DLG2: variants seen among roughly 807,000 people sequenced by gnomAD.
The protein encoded by DLG2 is discs large MAGUK scaffold protein 2, also known as disks large homolog 2.
DLG2 carries 45 observed loss-of-function variants against 132.5 expected under a neutral mutation model. That is an observed-to-expected ratio of 0.34 (90% CI 0.27 to 0.44). The LOEUF (loss-of-function observed/expected upper bound fraction) is 0.44, where lower values mean the gene tolerates loss of function less well. DLG2 is among the 20% of genes least tolerant of loss of function. The probability of loss-of-function intolerance (pLI) is 1.00; values close to 1 mark genes in which losing one functional copy is unlikely to be tolerated. For synonymous variants in DLG2, 424 were observed against 419.6 expected (o/e 1.01, Z -0.13); for missense variants, 1,045 against 1,196.9 (o/e 0.87, Z 1.87).
At chr11:85,430,235 G>A (rs1267941737) in intron 3 of DLG2, among the ~76,000 whole-genome samples, 1 of 151,180 alleles carries the variant, frequency 6.6e-6, no homozygotes, top group Non-Finnish European at 1.5e-5. Flanking sequence ...ATAGCATTAG[G>A]AGATATACCT....
At chr11:85,370,749 A>T (rs1205122817) in intron 3 of DLG2, among the ~76,000 whole-genome samples, 2 of 152,184 alleles carry the variant, frequency 1.3e-5, no homozygotes, top group Non-Finnish European at 2.9e-5. Flanking sequence ...TGAGTACTTC[A>T]GAGGGCCCCT....
At chr11:84,282,829 C>G (rs186990955) in intron 7 of DLG2, among the ~76,000 whole-genome samples, 68 of 152,232 alleles carry the variant, frequency 4.5e-4, no homozygotes, top group Admixed American at 7.8e-4. Context: ...CTTTGACATG[C>G]TTCAATGACT....
At chr11:83,712,683 C>G (rs2085730445) in intron 18 of DLG2, among the ~76,000 whole-genome samples, 1 of 152,046 alleles carries the variant, frequency 6.6e-6, no homozygotes, top group Admixed American at 6.6e-5. Flanking sequence ...GAGTTGGATG[C>G]CATTATCCTT....
chr11:84,284,317 G>C (rs1013949111), intron 7 of DLG2, among the ~76,000 whole-genome samples: 6 of 152,208 alleles, frequency 3.9e-5, no homozygotes, highest in African/African-American at 1.4e-4. Flanking sequence ...ACATGACTGT[G>C]CCATGGCAAA....
chr11:85,294,652 T>C (rs1003558538), intron 3 of DLG2, among the ~76,000 whole-genome samples: 6 of 152,148 alleles, frequency 3.9e-5, no homozygotes, highest in African/African-American at 1.4e-4. Flanking sequence ...GTAGCTATGA[T>C]ATTCTTTGAT....
chr11:84,525,188 T>C (rs1351869258), intron 7 of DLG2, among the ~76,000 whole-genome samples: 1 of 152,192 alleles, frequency 6.6e-6, no homozygotes, highest in Admixed American at 6.5e-5. Context: ...CCAACTACAC[T>C]GAAAACGTCA....
At chr11:85,249,743 A>C (rs2076306694) in intron 4 of DLG2, among the ~76,000 whole-genome samples, 1 of 152,120 alleles carries the variant, frequency 6.6e-6, no homozygotes, top group Non-Finnish European at 1.5e-5. Context: ...TCCAGGAACA[A>C]ATCCAAAATC....
intron 3 of DLG2, among the ~76,000 whole-genome samples, chr11:85,575,623 TTTGCATTTGCA>T (rs2078111559): frequency 6.6e-6 from 1 of 152,106 alleles, no homozygotes. Context: ...TACTACTACC[TTTGCATTTGCA>T]TTGCATTTGC....
chr11:84,113,816 T>C (rs925601988), intron 9 of DLG2, among the ~76,000 whole-genome samples: 8 of 152,156 alleles, frequency 5.3e-5, no homozygotes, highest in Non-Finnish European at 7.4e-5. Context: ...TAATAAAAGT[T>C]CAATGATAGA....
At chr11:85,379,540 T>TA (rs1439110288) in intron 3 of DLG2, among the ~76,000 whole-genome samples, 4 of 152,198 alleles carry the variant, frequency 2.6e-5, no homozygotes, top group Non-Finnish European at 1.5e-5. Flanking sequence ...AGTCTCTTCT[T>TA]AGAGCTGGAG....
chr11:84,146,649 G>A (rs1393175356), intron 9 of DLG2, among the ~76,000 whole-genome samples: 1 of 152,086 alleles, frequency 6.6e-6, no homozygotes, highest in African/African-American at 2.4e-5. Context: ...CCTAGGACAT[G>A]ACCTACCTGA....
chr11:84,991,825 A>T (rs1257756404), intron 6 of DLG2, among the ~76,000 whole-genome samples: 3 of 152,174 alleles, frequency 2.0e-5, no homozygotes, highest in African/African-American at 7.2e-5. Context: ...ATAATTTTTA[A>T]TTAAAGCTGT....
At chr11:83,689,670 C>G (rs1447478588) in intron 18 of DLG2, among the ~76,000 whole-genome samples, 2 of 151,766 alleles carry the variant, frequency 1.3e-5, no homozygotes, top group Non-Finnish European at 2.9e-5. Flanking sequence ...CATTAAATGT[C>G]AAAACAAGAC....
chr11:83,689,231 G>T (rs2080403823), intron 18 of DLG2, among the ~76,000 whole-genome samples: 1 of 152,100 alleles, frequency 6.6e-6, no homozygotes, highest in South Asian at 2.1e-4. Flanking sequence ...GGTCTTAATA[G>T]ATGAGTAGGA....
intron 2 of DLG2, chr11:85,625,198 T>G (rs966160073): frequency 6.6e-6 from 1 of 152,120 alleles, no homozygotes; most frequent in Non-Finnish European, 1.5e-5. Flanking sequence ...CACACACACG[T>G]AATGTGTTTA....
intron 3 of DLG2, among the ~76,000 whole-genome samples, chr11:85,410,185 G>A (rs1395362798): frequency 1.3e-5 from 2 of 151,844 alleles, no homozygotes; most frequent in African/African-American, 4.8e-5. Flanking sequence ...AGGGTGTGAA[G>A]TAGAAGAGGC....
chr11:83,509,676 G>T (rs923592910), intron 21 of DLG2, among the ~76,000 whole-genome samples: 1 of 152,094 alleles, frequency 6.6e-6, no homozygotes, highest in Admixed American at 6.5e-5. Flanking sequence ...AGTGTATGTT[G>T]TAAGTAATGG....
chr11:84,570,097 C>T (rs1477026471), intron 6 of DLG2, among the ~76,000 whole-genome samples: 1 of 152,156 alleles, frequency 6.6e-6, no homozygotes, highest in African/African-American at 2.4e-5. Flanking sequence ...ACCTGTTAAT[C>T]TATATTTGTA....
At chr11:84,941,615 G>A (rs2049440886) in intron 6 of DLG2, among the ~76,000 whole-genome samples, 1 of 151,430 alleles carries the variant, frequency 6.6e-6, no homozygotes, top group African/African-American at 2.4e-5. Flanking sequence ...ATGTGTTGTT[G>A]AATTCAGTTT....
Sources: gnomAD v4.1 joint callset for allele counts (sites outside exome capture counted in the v4.1 genomes callset) on GRCh38, gnomAD v4.1.1 for gene constraint, MANE v1.5 for transcripts, NCBI Gene and HGNC (gene_info 2026-07-23, HGNC 2026-07-21) for gene names.